MYRFL: variants seen among roughly 807,000 people sequenced by gnomAD.
MYRFL encodes the protein myelin regulatory factor like, also known as myelin regulatory factor-like protein.
A neutral mutation model predicts 109.4 loss-of-function variants in MYRFL; 88 were observed. The observed-to-expected ratio is 0.80, with a 90% CI of 0.68 to 0.96. The LOEUF (loss-of-function observed/expected upper bound fraction) is 0.96, where lower values mean the gene tolerates loss of function less well. MYRFL is among the 40% of genes least tolerant of loss of function. MYRFL has a pLI of 0.00. For synonymous variants in MYRFL, 324 were observed against 320.9 expected (o/e 1.01, Z -0.10); for missense variants, 957 against 954.9 (o/e 1.00, Z -0.03).
intron 19 of MYRFL, among the ~76,000 whole-genome samples, chr12:69,942,438 A>C (rs1955686625): frequency 6.6e-6 from 1 of 150,854 alleles, no homozygotes; most frequent in Non-Finnish European, 1.5e-5. Flanking sequence ...CAAAAACCAC[A>C]TGATTATCTC....
At chr12:69,898,353 T>A (rs977167568) in intron 10 of MYRFL, among the ~76,000 whole-genome samples, 3 of 152,158 alleles carry the variant, frequency 2.0e-5, no homozygotes, top group Admixed American at 1.3e-4. Context: ...GTAAAACACG[T>A]ATGTGTTCAG....
rs1387174071 is a variant in MYRFL at position 69,895,308 on chromosome 12, A to G, written c.981-63A>G. The G allele has an allele frequency of 3.3e-6, 4 of 1,197,986 alleles. No individual in the cohort carries two copies. The Admixed American group carries it at 6.6e-5, about 20-fold the overall frequency. 74.2% of individuals were successfully genotyped at this position (1,197,986 alleles called of 1,614,324 possible). ...ATGAGAGTCTGAAAGTGGATTAGAT[A>G]TGATCAGAGATTTGGTGTTCTCTTA... On this transcript the variant is annotated intron_variant, in intron 8 of 24. Transcript: ENST00000552032.
At chr12:69,922,088 G>A (rs537993469) in intron 13 of MYRFL, among the ~76,000 whole-genome samples, 2 of 152,028 alleles carry the variant, frequency 1.3e-5, no homozygotes, top group African/African-American at 4.8e-5. Context: ...TTAGGATGCC[G>A]AACTGACAGT....
At position 69,886,892 on chromosome 12, in the gene MYRFL, A is replaced by T; in HGVS notation, c.629A>T (p.Gln210Leu). ...GGACAGAACAGAATGCCTACAGACC[A>T]GTGCTCTCCTGCTCTGAAGTGGCAA... ...SEGQNRMPTD[Q>L]CSPALKWQPC... Residue 210 changes from glutamine to leucine, a missense_variant, in exon 6 of 25, where the codon CAG becomes CTG. Transcript: ENST00000552032. 6.5e-7 allele frequency: 1 copy of T among 1,535,930 alleles called. No homozygotes were observed. The highest frequency in any genetic ancestry group is 8.7e-7 in the Non-Finnish European group (1 of 1,146,730).
At chr12:69,935,982 C>T (rs1955440839) in intron 16 of MYRFL, 131 bp from the exon 17 acceptor site, 5 of 1,092,146 alleles carry the variant, frequency 4.6e-6, no homozygotes, top group Non-Finnish European at 5.1e-6. Context: ...CCGTGGCCAT[C>T]CCCTCCCCCC....
chr12:69,891,590 TTTCTTTC>T (rs1833082934), intron 7 of MYRFL, among the ~76,000 whole-genome samples: 1 of 134,372 alleles, frequency 7.4e-6, no homozygotes, highest in South Asian at 2.5e-4. Flanking sequence ...TCTTTCTTTC[TTTCTTTC>T]TTTCTTTCTC....
chr12:69,854,130 C>T (rs1041590142), intron 1 of MYRFL, among the ~76,000 whole-genome samples: 9 of 152,286 alleles, frequency 5.9e-5, no homozygotes, highest in East Asian at 3.9e-4. Context: ...AGATCACTCG[C>T]GGTCAGGAGC....
intron 2 of MYRFL, among the ~76,000 whole-genome samples, chr12:69,870,068 T>A (rs1393937607): frequency 1.3e-5 from 2 of 150,714 alleles, no homozygotes; most frequent in Non-Finnish European, 3.0e-5. Flanking sequence ...TTTATTTTTA[T>A]CAGCTGCTAA....
At position 69,907,098 on chromosome 12, in the gene MYRFL, C is replaced by T. The variant is rs866197177; in HGVS notation, c.1384-2871C>T. Among the ~76,000 whole-genome samples, 5 of 152,300 alleles carry T rather than the reference C, an allele frequency of 3.3e-5. No individual in the cohort carries two copies. In the South Asian group the frequency reaches 1.0e-3, roughly 32 times the overall value. On this transcript the variant is annotated intron_variant, in intron 11 of 24. Transcript: ENST00000552032. ...GATTCAAAGAAGGCACACCCTTTGC[C>T]TCAAGTGTTTTCCCTAGGCCAAGTG...
intron 6 of MYRFL, among the ~76,000 whole-genome samples, chr12:69,890,051 A>G (rs1389745747): frequency 1.3e-5 from 2 of 152,170 alleles, no homozygotes; most frequent in Non-Finnish European, 2.9e-5. Context: ...TTTCAGTGCT[A>G]TTACCAAATT....
chr12:69,939,191 C>T (rs930468412), intron 19 of MYRFL, among the ~76,000 whole-genome samples: 23 of 152,240 alleles, frequency 1.5e-4, no homozygotes, highest in Non-Finnish European at 2.6e-4. Context: ...GAGCCCACCA[C>T]AGCTCAAGGA....
chr12:69,862,064 T>C (rs1395375166), intron 2 of MYRFL, among the ~76,000 whole-genome samples: 3 of 150,170 alleles, frequency 2.0e-5, no homozygotes, highest in Admixed American at 6.6e-5. Context: ...GTTGTAGATA[T>C]GCGGCATTAT....
chr12:69,834,135 C>T (rs1332592354), intron 1 of MYRFL, among the ~76,000 whole-genome samples: 1 of 152,082 alleles, frequency 6.6e-6, no homozygotes, highest in Non-Finnish European at 1.5e-5. Context: ...CTCAGAAGTG[C>T]AGTATAAATA....
chr12:69,949,581 A>G (rs1955922881), intron 19 of MYRFL, among the ~76,000 whole-genome samples: 1 of 152,044 alleles, frequency 6.6e-6, no homozygotes. Flanking sequence ...CATGCGGCCC[A>G]GGACGGCTTT....
At chr12:69,924,004 A>G (rs961363626) in intron 13 of MYRFL, among the ~76,000 whole-genome samples, 2 of 152,046 alleles carry the variant, frequency 1.3e-5, no homozygotes, top group African/African-American at 4.8e-5. Context: ...CCTGGCTAAC[A>G]CAGTGAAACC....
At chr12:69,839,970 A>C (rs1397289512) in intron 1 of MYRFL, among the ~76,000 whole-genome samples, 1 of 152,192 alleles carries the variant, frequency 6.6e-6, no homozygotes, top group African/African-American at 2.4e-5. Context: ...TTATTATTAT[A>C]CTCTACATTA....
chr12:69,953,719 T>C (rs2120554798), intron 21 of MYRFL, among the ~76,000 whole-genome samples: 1 of 152,036 alleles, frequency 6.6e-6, no homozygotes, highest in Non-Finnish European at 1.5e-5. Flanking sequence ...GTAAGCTGTG[T>C]GTTTGCACCA....
chr12:69,851,232 A>G (rs1883857407), intron 1 of MYRFL, among the ~76,000 whole-genome samples: 1 of 152,178 alleles, frequency 6.6e-6, no homozygotes, highest in South Asian at 2.1e-4. Context: ...GACTGGAAAA[A>G]ATTGTCTATA....
In MYRFL at chr12:69,879,028, G is replaced by C. The variant is rs1429642528; in HGVS notation, c.138G>C (p.Leu46Phe). ...FLGNDFDLGA[L>F]QRQLPDTPPY... ...CGCAATGTATGTCTCTAATCTTCAG[G>C]CAACGCCAGCTCCCAGACACCCCGC... The change falls in exon 3 of 25, where the codon TTG (leucine) becomes TTC (phenylalanine). Residue 46 changes from leucine to phenylalanine, a missense_variant and splice_region_variant. By Grantham distance (22) the Leu-to-Phe change is conservative. Coordinates refer to ENST00000552032, the MANE Select transcript of MYRFL (RefSeq NM_182530.3). The C allele has an allele frequency of 2.8e-6, 2 of 702,896 alleles. No individual in the cohort carries two copies. Among genetic ancestry groups the C allele is most frequent in the East Asian group, 2.7e-5 (1 of 37,290 alleles). 43.5% of individuals were successfully genotyped at this position (702,896 alleles called of 1,614,324 possible). A position where few individuals can be genotyped will look rare whatever the true frequency, so the allele number is the denominator to read the frequency against.
Sources: gnomAD v4.1 joint callset for allele counts (sites outside exome capture counted in the v4.1 genomes callset) on GRCh38, gnomAD v4.1.1 for gene constraint, MANE v1.5 for transcripts, NCBI Gene and HGNC (gene_info 2026-07-23, HGNC 2026-07-21) for gene names.